GOLGA7: variants seen among roughly 807,000 people sequenced by gnomAD.
The protein encoded by GOLGA7 is golgin subfamily A member 7.
Under a neutral mutation model 21.1 loss-of-function variants are expected in GOLGA7, and 10 were observed. The ratio of observed to expected loss-of-function variants is 0.47; its 90% CI spans 0.29 to 0.80. The LOEUF (loss-of-function observed/expected upper bound fraction) is 0.80. Among genes scored for constraint, GOLGA7 ranks in the 30% least tolerant of loss-of-function variants. The pLI is 0.08. For synonymous variants in GOLGA7, 64 were observed against 62.6 expected, an observed-to-expected ratio of 1.02 and a Z score of -0.10; for missense variants, 114 against 166.8, an observed-to-expected ratio of 0.68 and a Z score of 1.74.
At chr8:41,502,336 C>T (rs1454469661) in intron 2 of GOLGA7, among the ~76,000 whole-genome samples, 1 of 152,172 alleles carries the variant, frequency 6.6e-6, no homozygotes, top group Non-Finnish European at 1.5e-5. Flanking sequence ...CACCGAAATT[C>T]CTAGTCTACA....
intron 1 of GOLGA7, among the ~76,000 whole-genome samples, chr8:41,496,950 G>T (rs1208783301): frequency 6.6e-6 from 1 of 151,524 alleles, no homozygotes; most frequent in Non-Finnish European, 1.5e-5. Flanking sequence ...TGGGGCTATA[G>T]GCACCCGCCA....
chr8:41,491,516 A>AATG (rs1805883182), intron 1 of GOLGA7, among the ~76,000 whole-genome samples: 1 of 152,130 alleles, frequency 6.6e-6, no homozygotes, highest in Non-Finnish European at 1.5e-5. Context: ...TGGACAGGAA[A>AATG]ATGTCTCAGA....
intron 1 of GOLGA7, among the ~76,000 whole-genome samples, chr8:41,494,588 T>C (rs774307239): frequency 6.6e-6 from 1 of 152,188 alleles, no homozygotes; most frequent in Non-Finnish European, 1.5e-5. Context: ...CTCAGTCTGT[T>C]TTCGTGAATG....
chr8:41,493,363 A>C (rs1389581766), intron 1 of GOLGA7, among the ~76,000 whole-genome samples: 4 of 152,236 alleles, frequency 2.6e-5, no homozygotes, highest in African/African-American at 7.2e-5. Context: ...GAAAGTGACT[A>C]ATATGCAAGT....
intron 2 of GOLGA7, 154 bp from the exon 3 acceptor site, chr8:41,505,757 T>C (rs989476951): frequency 3.9e-6 from 2 of 512,430 alleles, no homozygotes; most frequent in Non-Finnish European, 7.0e-6. Context: ...ATGCAACTCA[T>C]GTGAGCCAAG....
intron 2 of GOLGA7, among the ~76,000 whole-genome samples, chr8:41,498,693 CTCT>C (rs1307702181): frequency 6.6e-6 from 1 of 152,250 alleles, no homozygotes; most frequent in Non-Finnish European, 1.5e-5. Flanking sequence ...ACTTGCCTCA[CTCT>C]TCTTTGGAAT....
intron 1 of GOLGA7, among the ~76,000 whole-genome samples, chr8:41,495,127 C>T (rs1312846897): frequency 2.8e-5 from 4 of 142,590 alleles, no homozygotes; most frequent in African/African-American, 1.1e-4. Context: ...TCACTTGATC[C>T]TGGGACCAGA....
At chr8:41,498,241 TA>T (rs1360945778) in intron 2 of GOLGA7, among the ~76,000 whole-genome samples, 1 of 152,244 alleles carries the variant, frequency 6.6e-6, no homozygotes, top group East Asian at 1.9e-4. Context: ...GTTATGCCCT[TA>T]TTCTGTCTCT....
chr8:41,495,227 G>A (rs1416072887), intron 1 of GOLGA7, among the ~76,000 whole-genome samples: 232 of 115,042 alleles, frequency 2.0e-3, no homozygotes, highest in Non-Finnish European at 2.7e-3. Flanking sequence ...AAAAAAAAAA[G>A]ATTACATTCT....
At chr8:41,505,633 A>G (rs1370504618) in intron 2 of GOLGA7, among the ~76,000 whole-genome samples, 3 of 152,208 alleles carry the variant, frequency 2.0e-5, no homozygotes, top group African/African-American at 4.8e-5. Flanking sequence ...GTGACTGAGA[A>G]GTAGGGAGGA....
intron 3 of GOLGA7, among the ~76,000 whole-genome samples, chr8:41,506,230 T>A (rs1353896639): frequency 6.6e-6 from 1 of 152,168 alleles, no homozygotes; most frequent in Non-Finnish European, 1.5e-5. Context: ...GTGGTTTGTT[T>A]ACTATTCTTG....
In GOLGA7 at chr8:41,490,720, G is replaced by C; in HGVS notation, c.-135G>C. 5 of 622,772 alleles carry C rather than the reference G, an allele frequency of 8.0e-6. No homozygotes were observed. The South Asian group carries it at 9.5e-5, about 12-fold the overall frequency. The allele number at this position is 622,772 out of a possible 1,614,324, so 38.6% of individuals were successfully genotyped here. A position where few individuals can be genotyped will look rare whatever the true frequency, so the allele number is the denominator to read the frequency against. ...AGCATGGGTGAAGGGGAGCGGGGCA[G>C]AGGAGGCCTTGGGCTGTTTTCGGCG... On this transcript the variant is annotated 5_prime_UTR_variant, in exon 1 of 5. Coordinates refer to ENST00000357743, the MANE Select transcript of GOLGA7 (RefSeq NM_001002296.2).
chr8:41,493,018 C>T (rs943826505), intron 1 of GOLGA7, among the ~76,000 whole-genome samples: 11 of 152,292 alleles, frequency 7.2e-5, no homozygotes, highest in Admixed American at 3.9e-4. Context: ...GTCCTTTTAC[C>T]TCTTTGACTC....
intron 2 of GOLGA7, among the ~76,000 whole-genome samples, chr8:41,504,684 A>G (rs75056286): frequency 0.014 from 2,099 of 152,370 alleles, 16 homozygotes; most frequent in Middle Eastern, 0.02. Flanking sequence ...GAAGAAGCAT[A>G]AAACATGAGA....
intron 2 of GOLGA7, among the ~76,000 whole-genome samples, chr8:41,501,506 A>G (rs1337596710): frequency 2.0e-5 from 3 of 152,118 alleles, no homozygotes; most frequent in East Asian, 3.8e-4. Context: ...GGCCTCCCAA[A>G]GTTCTAGGAT....
At chr8:41,500,598 A>T (rs767256901) in intron 2 of GOLGA7, among the ~76,000 whole-genome samples, 11 of 152,104 alleles carry the variant, frequency 7.2e-5, no homozygotes, top group Non-Finnish European at 1.5e-4. Context: ...TTTTCATTTT[A>T]TTTATTTTTG....
rs1167981292 is a variant in GOLGA7, at chr8:41,510,371, C to G, written c.*803C>G. The G allele has an allele frequency of 2.0e-5, 3 of 152,450 alleles. No individual in the cohort carries two copies. Among genetic ancestry groups the G allele is most frequent in the South Asian group, 2.1e-4 (1 of 4,818 alleles). The allele number at this position is 152,450 out of a possible 1,614,324, so 9.4% of individuals were successfully genotyped here. On this transcript the variant is annotated 3_prime_UTR_variant, in exon 5 of 5. Coordinates refer to ENST00000357743, the MANE Select transcript of GOLGA7 (RefSeq NM_001002296.2). ...AAACCATCAGACACATAAATGTTCC[C>G]GCTGTGTCCCTGGATATGGAATAAG... is the stretch of plus-strand genomic sequence containing the variant.
chr8:41,490,976 T>TG lies in GOLGA7; in HGVS notation c.111+13dup, dbSNP rs1238821324. 1 of 1,444,144 alleles carries TG rather than the reference T, an allele frequency of 6.9e-7. No individual in the cohort carries two copies. Among genetic ancestry groups the TG allele is most frequent in the African/African-American group, 1.4e-5 (1 of 71,362 alleles). The allele number at this position is 1,444,144 out of a possible 1,614,324, so 89.5% of individuals were successfully genotyped here. Reference sequence around the variant, plus strand: ...GAGCTGGAGAACCGGGTACGCAACCTGGCTCCCCACGCCTGCTCTGGCGAG... The same window carrying TG: ...GAGCTGGAGAACCGGGTACGCAACCTGGGCTCCCCACGCCTGCTCTGGCGAG... On this transcript the variant is annotated intron_variant, in intron 1 of 4. Transcript: ENST00000357743.
At chr8:41,506,290 G>A (rs1806286013) in intron 3 of GOLGA7, among the ~76,000 whole-genome samples, 1 of 152,010 alleles carries the variant, frequency 6.6e-6, no homozygotes, top group South Asian at 2.1e-4. Context: ...AATAATGGGG[G>A]TGGTTTGAGT....
Sources: allele counts gnomAD v4.1 joint callset (sites outside exome capture counted in the v4.1 genomes callset), GRCh38; gene constraint gnomAD v4.1.1; transcripts MANE v1.5; gene names NCBI Gene and HGNC (gene_info 2026-07-23, HGNC 2026-07-21).